The following ZNF521 variants were observed in gnomAD, a reference collection of about 807,000 sequenced individuals.
ZNF521 encodes LYST-interacting protein 3.
ZNF521 carries 14 observed loss-of-function variants against 105.5 expected under a neutral mutation model. The observed-to-expected ratio is 0.13, with a 90% CI of 0.09 to 0.21. ZNF521 has a LOEUF of 0.21. ZNF521 is among the 10% of genes least tolerant of loss of function. The pLI is 1.00. For missense variants in ZNF521, 1,233 were observed against 1,629.7 expected, an observed-to-expected ratio of 0.76 and a Z score of 4.19; for synonymous variants, 635 against 606.0, an observed-to-expected ratio of 1.05 and a Z score of -0.70.
At chr18:25,164,687 T>G (rs930030338) in intron 5 of ZNF521, among the ~76,000 whole-genome samples, 1 of 152,094 alleles carries the variant, frequency 6.6e-6, no homozygotes, top group Non-Finnish European at 1.5e-5. Flanking sequence ...AGACTATGTG[T>G]GAAAAAGGAA....
At chr18:25,107,777 A>G (rs1339468903) in intron 5 of ZNF521, among the ~76,000 whole-genome samples, 1 of 152,216 alleles carries the variant, frequency 6.6e-6, no homozygotes, top group African/African-American at 2.4e-5. Flanking sequence ...TGGTTCCCCT[A>G]TCTCGCCTCT....
At chr18:25,211,848 C>T (rs1272816993) in intron 4 of ZNF521, among the ~76,000 whole-genome samples, 2 of 152,056 alleles carry the variant, frequency 1.3e-5, no homozygotes, top group African/African-American at 4.8e-5. Flanking sequence ...TATGGTTTTG[C>T]CTTTCACACA....
chr18:25,132,308 T>C (rs1320008150), intron 5 of ZNF521, among the ~76,000 whole-genome samples: 1 of 152,202 alleles, frequency 6.6e-6, no homozygotes, highest in African/African-American at 2.4e-5. Flanking sequence ...TCTAACTTTT[T>C]CCATTTCCTT....
intron 7 of ZNF521, among the ~76,000 whole-genome samples, chr18:25,077,976 G>T (rs2033404401): frequency 6.6e-6 from 1 of 152,160 alleles, no homozygotes; most frequent in South Asian, 2.1e-4. Flanking sequence ...TCTTCTGACA[G>T]TTTCTCATAA....
Position 25,092,028 on chromosome 18 carries a change from C to A in ZNF521, c.3712G>T (p.Ala1238Ser). 1 of 1,614,010 alleles carries A rather than the reference C, an allele frequency of 6.2e-7. No homozygotes were observed. The highest frequency in any genetic ancestry group is 8.5e-7 in the Non-Finnish European group (1 of 1,179,912). ...KLCSQTFDSP[A>S]KLQCHLIEHS... ...TCTATCAGGTGGCACTGGAGTTTGG[C>A]AGGAGAGTCAAAGGTCTGGCTGCAG... Residue 1238 changes from alanine (A) to serine (S), a missense_variant, in exon 6 of 8, where the codon GCC (alanine) becomes TCC (serine). Around this residue, in one of 6 missense-constraint regions of ZNF521, gnomAD observed 76 missense variants for 137.2 expected, o/e 0.55. Transcript: ENST00000361524.
intron 5 of ZNF521, among the ~76,000 whole-genome samples, chr18:25,159,638 A>G (rs2035214461): frequency 2.0e-5 from 3 of 152,190 alleles, no homozygotes; most frequent in Admixed American, 2.0e-4. Context: ...AATTCAGAGT[A>G]GTTTGGTAGT....
At chr18:25,088,008 G>T (rs1031417236) in intron 7 of ZNF521, among the ~76,000 whole-genome samples, 1 of 152,086 alleles carries the variant, frequency 6.6e-6, no homozygotes, top group African/African-American at 2.4e-5. Flanking sequence ...AAGGAAGCAC[G>T]AAGTTGCCCC....
intron 5 of ZNF521, among the ~76,000 whole-genome samples, chr18:25,157,063 G>A (rs1421713278): frequency 6.6e-6 from 1 of 152,192 alleles, no homozygotes; most frequent in Non-Finnish European, 1.5e-5. Flanking sequence ...GCTGGGCATG[G>A]TGATGGGCAC....
intron 3 of ZNF521, among the ~76,000 whole-genome samples, chr18:25,232,477 A>ATTTTTAATTTCCTTTTAAT (rs1316328319): frequency 1.3e-5 from 2 of 152,222 alleles, no homozygotes; most frequent in African/African-American, 2.4e-5. Flanking sequence ...ATGCAATCTC[A>ATTTTTAATTTCCTTTTAAT]GGAATATTAA....
At chr18:25,204,493 T>A (rs963618917) in intron 4 of ZNF521, among the ~76,000 whole-genome samples, 1 of 152,100 alleles carries the variant, frequency 6.6e-6, no homozygotes, top group Non-Finnish European at 1.5e-5. Context: ...ATACCAAACA[T>A]GTCTCATGGA....
rs201587869 is a variant in ZNF521 at position 25,092,477 on chromosome 18, G to GTCC, written c.3659-399_3659-397dup. Among the ~76,000 whole-genome samples the GTCC allele has an allele frequency of 8.2e-3, 1,252 of 152,242 alleles. 15 individuals are homozygous for GTCC. Among genetic ancestry groups the GTCC allele is most frequent in the African/African-American group, 0.029 (1,193 of 41,544 alleles). The stretch of plus-strand genomic sequence containing the variant: ...GATTCTACTCTGGCTTATCCAGAGG[G>GTCC]TCCTGGAAGTGTCTATTTCTAACCA... On this transcript the variant is annotated intron_variant, in intron 5 of 7. Transcript: ENST00000361524.
At chr18:25,096,737 CCTT>C (rs1350066864) in intron 5 of ZNF521, among the ~76,000 whole-genome samples, 31 of 152,266 alleles carry the variant, frequency 2.0e-4, no homozygotes, top group African/African-American at 6.3e-4. Flanking sequence ...AAGTAGAACT[CCTT>C]CTCCCTTTTA....
rs138300924 is a variant in ZNF521, at chr18:25,226,893, T to C, written c.1025A>G (p.Asn342Ser). 9.9e-6 allele frequency: 16 copies of C among 1,613,710 alleles called. No individual in the cohort carries two copies. The highest frequency in any genetic ancestry group is 1.2e-5 in the Non-Finnish European group (14 of 1,179,974). ...GCCCACCGTGACCAGGGAAGGGCTGTTGCTGTGATTGCATGACTCCGGTTG... is the reference window on the plus strand; with the variant it reads ...GCCCACCGTGACCAGGGAAGGGCTGCTGCTGTGATTGCATGACTCCGGTTG... Reference protein sequence around the residue: ...HQQPESCNHSNSPSLVTVGYT... With the variant: ...HQQPESCNHSSSPSLVTVGYT... The change falls in exon 4 of 8, where the codon AAC (asparagine) becomes AGC (serine). Residue 342 changes from asparagine (N) to serine (S), a missense_variant. By Grantham distance (46) the Asn-to-Ser change is conservative. Transcript: ENST00000361524. The surrounding 1 kb of genome is among the most constrained non-coding windows in gnomAD (Gnocchi z 4.1).
intron 7 of ZNF521, among the ~76,000 whole-genome samples, chr18:25,074,930 A>G (rs1349974553): frequency 6.6e-6 from 1 of 152,112 alleles, no homozygotes; most frequent in African/African-American, 2.4e-5. Context: ...CACATCCTTA[A>G]ATAATTTGCT....
intron 3 of ZNF521, among the ~76,000 whole-genome samples, chr18:25,310,434 A>AAAAAACAGAAAAC (rs201250919): frequency 8.6e-6 from 1 of 116,716 alleles, no homozygotes. Context: ...AACAGAAAAC[A>AAAAAACAGAAAAC]AAAAAAAAAA....
intron 5 of ZNF521, among the ~76,000 whole-genome samples, chr18:25,178,855 T>C (rs1431509727): frequency 6.6e-6 from 1 of 152,116 alleles, no homozygotes; most frequent in African/African-American, 2.4e-5. Flanking sequence ...CTTGTGCATG[T>C]GTGAAGAGAT....
chr18:25,238,657 T>TA, intron 3 of ZNF521, among the ~76,000 whole-genome samples: 1 of 152,304 alleles, frequency 6.6e-6, no homozygotes, highest in Non-Finnish European at 1.5e-5. Flanking sequence ...CCTTCTCACC[T>TA]ATCCCTTAAG....
At chr18:25,169,700 T>G (rs925994714) in intron 5 of ZNF521, among the ~76,000 whole-genome samples, 1 of 152,158 alleles carries the variant, frequency 6.6e-6, no homozygotes, top group Non-Finnish European at 1.5e-5. Flanking sequence ...TGAAGAGCAA[T>G]TGTCCTGAAG....
At chr18:25,126,690 C>G (rs926210040) in intron 5 of ZNF521, among the ~76,000 whole-genome samples, 1 of 152,012 alleles carries the variant, frequency 6.6e-6, no homozygotes, top group African/African-American at 2.4e-5. Context: ...AAATTTCCTA[C>G]ATTAGAGATA....
Sources: gnomAD v4.1 joint callset for allele counts (sites outside exome capture counted in the v4.1 genomes callset) on GRCh38, gnomAD v4.1.1 for gene constraint, gnomAD v4.1.1 regional missense constraint, Gnocchi (gnomAD v3.1) non-coding constraint, MANE v1.5 for transcripts, NCBI Gene and HGNC (gene_info 2026-07-23, HGNC 2026-07-21) for gene names.